The following DOCK7 variants were observed in gnomAD, a reference collection of about 807,000 sequenced individuals.
DOCK7 encodes dedicator of cytokinesis protein 7.
In DOCK7, 138 loss-of-function variants were observed where a neutral mutation model predicts 271.0. That is an observed-to-expected ratio of 0.51 (90% CI 0.44 to 0.59). DOCK7 has a LOEUF of 0.59. DOCK7 is among the 20% of genes least tolerant of loss of function. The pLI is 0.00. For synonymous variants in DOCK7, 823 were observed against 876.1 expected (o/e 0.94, Z 1.07); for missense variants, 2,066 against 2,592.4 (o/e 0.80, Z 4.41).
intron 29 of DOCK7, among the ~76,000 whole-genome samples, chr1:62,531,973 C>T (rs1376547567): frequency 6.6e-6 from 1 of 152,154 alleles, no homozygotes; most frequent in Non-Finnish European, 1.5e-5. Flanking sequence ...CATAAACAAG[C>T]AAATTTCAGA....
intron 6 of DOCK7, 139 bp downstream of exon 6, chr1:62,647,967 T>G (rs910601097): frequency 2.0e-5 from 17 of 843,776 alleles, no homozygotes; most frequent in Non-Finnish European, 3.0e-5. Context: ...AATTCACTAG[T>G]ATAAAATGTA....
At chr1:62,489,169 G>T in intron 41 of DOCK7, 104 bp from the exon 42 acceptor site, 1 of 1,120,606 alleles carries the variant, frequency 8.9e-7, no homozygotes, top group Non-Finnish European at 1.2e-6. Context: ...ATACACTGAG[G>T]CCAGACGCAG....
At chr1:62,527,048 G>A (rs1281903840) in intron 31 of DOCK7, among the ~76,000 whole-genome samples, 2 of 152,056 alleles carry the variant, frequency 1.3e-5, no homozygotes, top group Non-Finnish European at 2.9e-5. Flanking sequence ...CTCACAATAG[G>A]TGAATTTTTT....
chr1:62,619,869 G>T (rs199759082), intron 13 of DOCK7, 31 bp downstream of exon 13: 23 of 1,401,370 alleles, frequency 1.6e-5, no homozygotes, highest in Admixed American at 1.4e-4. Flanking sequence ...AATAATAGTT[G>T]CAACCATTTC....
At chr1:62,469,895 A>C (rs181869513) in intron 48 of DOCK7, among the ~76,000 whole-genome samples, 1 of 116,792 alleles carries the variant, frequency 8.6e-6, no homozygotes, top group East Asian at 2.9e-4. Context: ...GAATGGCCAT[A>C]ATCAAAAACT....
At chr1:62,629,764 G>A (rs1489708991) in intron 11 of DOCK7, 1 of 152,158 alleles carries the variant, frequency 6.6e-6, no homozygotes, top group Non-Finnish European at 1.5e-5. Flanking sequence ...GCAACACGTT[G>A]TATAACAAAT....
At chr1:62,475,373 A>C (rs1645938758) in intron 46 of DOCK7, 22 bp from the exon 47 acceptor site, 1 of 1,612,364 alleles carries the variant, frequency 6.2e-7, no homozygotes, top group African/African-American at 1.3e-5. Flanking sequence ...AGCATCTGTT[A>C]AATCAGTGTA....
At chr1:62,504,931 G>A (rs1646896669) in intron 36 of DOCK7, 149 bp from the exon 37 acceptor site, 1 of 1,003,236 alleles carries the variant, frequency 1.0e-6, no homozygotes, top group Non-Finnish European at 1.4e-6. Context: ...AATAGTGTGA[G>A]ACACAGAGTC....
intron 37 of DOCK7, among the ~76,000 whole-genome samples, chr1:62,497,004 T>C (rs1646643108): frequency 6.6e-6 from 1 of 152,140 alleles, no homozygotes; most frequent in Admixed American, 6.6e-5. Flanking sequence ...TTAGTGTAAA[T>C]TCATTTCTGC....
intron 29 of DOCK7, among the ~76,000 whole-genome samples, chr1:62,533,137 T>C (rs965930336): frequency 4.6e-5 from 7 of 152,256 alleles, no homozygotes; most frequent in African/African-American, 1.7e-4. Context: ...CGTTTTCTTA[T>C]TTCTTTCCTC....
intron 1 of DOCK7, among the ~76,000 whole-genome samples, chr1:62,676,096 G>A (rs1571988009): frequency 1.3e-5 from 2 of 152,134 alleles, no homozygotes; most frequent in South Asian, 4.1e-4. Flanking sequence ...TATTCCTATT[G>A]GCACTATTCA....
Position 62,688,318 on chromosome 1 carries a change from C to T in DOCK7, c.-54G>A. The T allele has an allele frequency of 8.8e-7, 1 of 1,133,654 alleles. No homozygotes were observed. Among genetic ancestry groups the T allele is most frequent in the South Asian group, 4.1e-5 (1 of 24,398 alleles). The allele number at this position is 1,133,654 out of a possible 1,614,324, so 70.2% of individuals were successfully genotyped here. The stretch of plus-strand genomic sequence containing the variant: ...GCGGCTGCGGCGGGCCGGGTGCGGA[C>T]CGGCGGGCGCGTGCCTCCTCGCTCG... On this transcript the variant is annotated 5_prime_UTR_variant, in exon 1 of 50. Transcript: ENST00000635253.
chr1:62,562,233 C>CTTTTTTTTTTTTTTTTTTT (rs59893499), intron 18 of DOCK7, among the ~76,000 whole-genome samples: 2 of 121,214 alleles, frequency 1.6e-5, no homozygotes, highest in African/African-American at 6.0e-5. Flanking sequence ...GATCCAAAAA[C>CTTTTTTTTTTTTTTTTTTT]TTTTTTTTTT....
chr1:62,586,094 A>G (rs1647473927), intron 15 of DOCK7, among the ~76,000 whole-genome samples: 1 of 152,112 alleles, frequency 6.6e-6, no homozygotes, highest in Non-Finnish European at 1.5e-5. Flanking sequence ...TATACCACAC[A>G]TCACTTCCCA....
At chr1:62,591,505 G>A (rs1255945414) in intron 14 of DOCK7, among the ~76,000 whole-genome samples, 1 of 151,866 alleles carries the variant, frequency 6.6e-6, no homozygotes, top group East Asian at 1.9e-4. Flanking sequence ...TTTAAAAAAA[G>A]TATTAATCTA....
intron 18 of DOCK7, among the ~76,000 whole-genome samples, chr1:62,568,305 A>ATT (rs34058415): frequency 3.5e-5 from 5 of 144,156 alleles, no homozygotes; most frequent in Non-Finnish European, 6.1e-5. Flanking sequence ...AGCTAGAAAG[A>ATT]TTTTTTTTTT....
At chr1:62,625,170 T>C in intron 12 of DOCK7, 89 bp downstream of exon 12, 1 of 1,272,980 alleles carries the variant, frequency 7.9e-7, no homozygotes, top group African/African-American at 1.5e-5. Flanking sequence ...CACCCTCCCA[T>C]ACATGTATAG....
intron 21 of DOCK7, among the ~76,000 whole-genome samples, chr1:62,554,471 C>CAAAAAA (rs61023149): frequency 1.6e-5 from 1 of 63,902 alleles, no homozygotes; most frequent in African/African-American, 6.4e-5. Context: ...GACTCCATCT[C>CAAAAAA]AAAAAAAAAA....
At chr1:62,676,186 T>C (rs1660530611) in intron 1 of DOCK7, among the ~76,000 whole-genome samples, 1 of 152,206 alleles carries the variant, frequency 6.6e-6, no homozygotes. Context: ...TACAATGGAA[T>C]ATTAGTCAGC....
Sources: gnomAD v4.1 joint callset for allele counts (sites outside exome capture counted in the v4.1 genomes callset) on GRCh38, gnomAD v4.1.1 for gene constraint, MANE v1.5 for transcripts, NCBI Gene and HGNC (gene_info 2026-07-23, HGNC 2026-07-21) for gene names.